The following RFX4 variants were observed in gnomAD, a reference collection of about 807,000 sequenced individuals.
RFX4 encodes the protein regulatory factor X4.
RFX4 carries 10 observed loss-of-function variants against 95.0 expected under a neutral mutation model. That is an observed-to-expected ratio of 0.11 (90% CI 0.06 to 0.18). RFX4 has a LOEUF of 0.18. Among genes scored for constraint, RFX4 ranks in the 10% least tolerant of loss-of-function variants. The pLI is 1.00. For missense variants in RFX4, 640 were observed against 922.0 expected, an observed-to-expected ratio of 0.69 and a Z score of 3.96; for synonymous variants, 321 against 340.7, an observed-to-expected ratio of 0.94 and a Z score of 0.64.
chr12:106,627,539 G>GAAAA (rs1182398384), intron 2 of RFX4, among the ~76,000 whole-genome samples: 1 of 151,872 alleles, frequency 6.6e-6, no homozygotes, highest in Non-Finnish European at 1.5e-5. Context: ...CTCCGTCTCA[G>GAAAA]AAAAAAACAA....
chr12:106,617,402 A>G (rs1475194312), intron 2 of RFX4, among the ~76,000 whole-genome samples: 2 of 152,212 alleles, frequency 1.3e-5, no homozygotes, highest in Non-Finnish European at 1.5e-5. Context: ...GCATTGCTTA[A>G]TTAATCCCAA....
chr12:106,583,504 A>T (rs889005006), intron 1 of RFX4, 141 bp downstream of exon 1: 3 of 714,836 alleles, frequency 4.2e-6, no homozygotes, highest in Non-Finnish European at 4.3e-6. Context: ...AGCTTGCAGA[A>T]GTTTTCAATT....
At chr12:106,583,660 C>G in intron 1 of RFX4, 2 of 287,092 alleles carry the variant, frequency 7.0e-6, no homozygotes, top group Non-Finnish European at 1.3e-5. Flanking sequence ...TGCGCTGGCT[C>G]GCGGCGAGCT....
intron 13 of RFX4, among the ~76,000 whole-genome samples, chr12:106,725,973 G>A (rs911304314): frequency 2.6e-5 from 4 of 152,212 alleles, no homozygotes; most frequent in East Asian, 3.9e-4. Flanking sequence ...GAGGCCGGGC[G>A]AAGTGGCTCA....
Position 106,720,833 on chromosome 12 carries a change from A to G in RFX4, c.1308A>G (p.Thr436=), listed in dbSNP as rs778378103. Residue 436 remains threonine (T), a synonymous_variant, in exon 13 of 18, where the codon ACA becomes ACG. Transcript: ENST00000392842. This position sits in a 1 kb window ranked among gnomAD's most constrained non-coding sequence, Gnocchi z 4.2. ...QFLLMWSCFG[T]RVIRDMTLHS... ...TCTTGATGTGGTCCTGTTTCGGCAC[A>G]AGGGTGATCCGGGACATGACCTTGC... 4 of 1,613,334 alleles carry G rather than the reference A, an allele frequency of 2.5e-6. No individual in the cohort carries two copies. The highest frequency in any genetic ancestry group is 2.5e-6 in the Non-Finnish European group (3 of 1,180,042).
chr12:106,611,453 G>A (rs1487334129), intron 2 of RFX4, among the ~76,000 whole-genome samples: 1 of 150,440 alleles, frequency 6.6e-6, no homozygotes, highest in African/African-American at 2.4e-5. Flanking sequence ...CTTACATTTA[G>A]ATTCGTGATC....
At chr12:106,614,891 A>G (rs1007405587) in intron 2 of RFX4, among the ~76,000 whole-genome samples, 7 of 152,216 alleles carry the variant, frequency 4.6e-5, no homozygotes, top group Admixed American at 6.5e-5. Flanking sequence ...AATAGGAGAT[A>G]TTAATATTTG....
rs146573227 is a variant in RFX4 at position 106,667,282 on chromosome 12, T to TA, written c.315+12932dup. On this transcript the variant is annotated intron_variant, in intron 4 of 17. Transcript: ENST00000392842. ...AAGGCTAGAGCTGACTGGAGTTGGG[T>TA]ATTTCCCTTCTCCCAAGTCAGTTAG... Among the ~76,000 whole-genome samples, 520 of 152,262 alleles carry TA rather than the reference T, an allele frequency of 3.4e-3. 3 individuals carry two copies. The highest frequency in any genetic ancestry group is 0.012 in the African/African-American group (487 of 41,546).
At chr12:106,664,939 T>A (rs145997256) in intron 4 of RFX4, among the ~76,000 whole-genome samples, 2 of 152,008 alleles carry the variant, frequency 1.3e-5, no homozygotes, top group Non-Finnish European at 3.0e-5. Flanking sequence ...GAATGTGATC[T>A]ATCTTGATGA....
intron 7 of RFX4, chr12:106,693,212 A>G (rs2041819266): frequency 3.4e-6 from 1 of 298,070 alleles, no homozygotes; most frequent in African/African-American, 2.2e-5. Flanking sequence ...AGGAACAAGT[A>G]TCATTGGACA....
At chr12:106,708,129 C>T (rs759447654) in intron 8 of RFX4, among the ~76,000 whole-genome samples, 4 of 152,022 alleles carry the variant, frequency 2.6e-5, no homozygotes, top group Non-Finnish European at 5.9e-5. Flanking sequence ...GCAAGACTGT[C>T]TCCTAAAAAA....
intron 3 of RFX4, chr12:106,645,740 C>G (rs1330579866): frequency 2.5e-6 from 1 of 398,704 alleles, no homozygotes; most frequent in Non-Finnish European, 4.8e-6. Flanking sequence ...TAACCGATAA[C>G]TGACATTTTG....
intron 4 of RFX4, among the ~76,000 whole-genome samples, chr12:106,681,700 CA>C: frequency 6.6e-6 from 1 of 152,250 alleles, no homozygotes; most frequent in African/African-American, 2.4e-5. Context: ...GGGTTTTAAA[CA>C]GGGGAGAGGC....
intron 2 of RFX4, among the ~76,000 whole-genome samples, chr12:106,629,691 T>G (rs974715728): frequency 6.6e-6 from 1 of 152,110 alleles, no homozygotes; most frequent in Non-Finnish European, 1.5e-5. Context: ...CTAAGGCTGG[T>G]TGAACTCCTG....
chr12:106,674,220 C>A (rs992153077), intron 4 of RFX4, among the ~76,000 whole-genome samples: 5 of 152,192 alleles, frequency 3.3e-5, no homozygotes, highest in Non-Finnish European at 5.9e-5. Context: ...TTCCTTCCCC[C>A]AGATATCCAC....
intron 1 of RFX4, among the ~76,000 whole-genome samples, chr12:106,584,717 C>A (rs2137156453): frequency 6.6e-6 from 1 of 152,338 alleles, no homozygotes; most frequent in East Asian, 1.9e-4. Context: ...CCGCTGCAGC[C>A]CTGGTGGCCC....
intron 4 of RFX4, among the ~76,000 whole-genome samples, chr12:106,658,096 G>A (rs956323105): frequency 1.3e-5 from 2 of 152,130 alleles, no homozygotes; most frequent in African/African-American, 2.4e-5. Context: ...CCAGAACAAT[G>A]CCTGGCACAG....
In RFX4 at chr12:106,761,477, C is replaced by A; in HGVS notation, c.*8C>A. 2.6e-6 allele frequency: 4 copies of A among 1,536,810 alleles called. No individual in the cohort carries two copies. Among genetic ancestry groups the A allele is most frequent in the East Asian group, 2.3e-5 (1 of 43,046 alleles). On this transcript the variant is annotated 3_prime_UTR_variant, in exon 18 of 18. Transcript: ENST00000392842. ...ACAGGATGGGCTAAATGACTGCTAT[C>A]ATAGGCATCCATATTTAATATTAAT... is the stretch of plus-strand genomic sequence containing the variant.
chr12:106,660,607 A>G (rs530720509), intron 4 of RFX4, among the ~76,000 whole-genome samples: 1 of 152,280 alleles, frequency 6.6e-6, no homozygotes, highest in African/African-American at 2.4e-5. Context: ...TCTCTAGCCT[A>G]CAAATGAGTT....
Sources: allele counts gnomAD v4.1 joint callset (sites outside exome capture counted in the v4.1 genomes callset), GRCh38; gene constraint gnomAD v4.1.1; non-coding constraint Gnocchi (gnomAD v3.1); transcripts MANE v1.5; gene names NCBI Gene and HGNC (gene_info 2026-07-23, HGNC 2026-07-21).